The following FHOD3 variants were observed in gnomAD, a reference collection of about 807,000 sequenced individuals.
The protein encoded by FHOD3 is FH1/FH2 domain-containing protein 3.
FHOD3 carries 90 observed loss-of-function variants against 173.0 expected under a neutral mutation model. The observed-to-expected ratio is 0.52, with a 90% CI of 0.44 to 0.62. The LOEUF (loss-of-function observed/expected upper bound fraction) is 0.62. FHOD3 is among the 20% of genes least tolerant of loss of function. The probability of loss-of-function intolerance (pLI) is 0.00; values close to 1 mark genes in which losing one functional copy is unlikely to be tolerated. For missense variants in FHOD3, 1,945 were observed against 2,034.7 expected, an observed-to-expected ratio of 0.96 and a Z score of 0.85; for synonymous variants, 828 against 823.0, an observed-to-expected ratio of 1.01 and a Z score of -0.10.
At chr18:36,352,083 A>G (rs969984325) in intron 1 of FHOD3, among the ~76,000 whole-genome samples, 10 of 152,016 alleles carry the variant, frequency 6.6e-5, no homozygotes, top group Non-Finnish European at 1.3e-4. Context: ...ATTCTCAGGA[A>G]TTTCGTGAGC....
chr18:36,556,492 A>G (rs2057891073), intron 5 of FHOD3, among the ~76,000 whole-genome samples: 2 of 152,196 alleles, frequency 1.3e-5, no homozygotes, highest in Admixed American at 1.3e-4. Flanking sequence ...TCCCCCAAGG[A>G]TACTAGACAC....
chr18:36,422,600 C>A (rs777854586), intron 3 of FHOD3, among the ~76,000 whole-genome samples: 6 of 152,138 alleles, frequency 3.9e-5, no homozygotes, highest in African/African-American at 1.4e-4. Context: ...CCTTTCCCAC[C>A]AGCAATTTGC....
intron 1 of FHOD3, among the ~76,000 whole-genome samples, chr18:36,320,546 A>G (rs534711791): frequency 2.0e-5 from 3 of 152,368 alleles, no homozygotes; most frequent in South Asian, 4.1e-4. Flanking sequence ...GCCAAATTCT[A>G]CCAGAGTAAA....
intron 3 of FHOD3, among the ~76,000 whole-genome samples, chr18:36,461,963 C>T (rs2052581621): frequency 6.6e-6 from 1 of 152,272 alleles, no homozygotes; most frequent in East Asian, 1.9e-4. Context: ...TTAAGTTGGA[C>T]AGGAAGATCT....
intron 8 of FHOD3, among the ~76,000 whole-genome samples, chr18:36,605,693 C>T (rs142135622): frequency 6.6e-6 from 1 of 152,202 alleles, no homozygotes; most frequent in African/African-American, 2.4e-5. Context: ...ACAAGTCATG[C>T]CGGGTTTGTT....
chr18:36,423,207 T>C (rs1033268733), intron 3 of FHOD3, among the ~76,000 whole-genome samples: 2 of 152,204 alleles, frequency 1.3e-5, no homozygotes, highest in Non-Finnish European at 2.9e-5. Context: ...AAAACTTCGA[T>C]AAGAGCAATA....
intron 10 of FHOD3, among the ~76,000 whole-genome samples, chr18:36,640,987 C>T (rs1232694657): frequency 6.6e-6 from 1 of 152,170 alleles, no homozygotes; most frequent in African/African-American, 2.4e-5. Flanking sequence ...GTCTTGCCCT[C>T]TCCAGACCCC....
chr18:36,300,907 A>AT (rs973092038), intron 1 of FHOD3, among the ~76,000 whole-genome samples: 4 of 151,688 alleles, frequency 2.6e-5, no homozygotes, highest in African/African-American at 9.7e-5. Flanking sequence ...CACCTTGCTA[A>AT]TTTTTTTATT....
At chr18:36,504,300 T>A (rs2055184238) in intron 4 of FHOD3, among the ~76,000 whole-genome samples, 1 of 152,180 alleles carries the variant, frequency 6.6e-6, no homozygotes, top group African/African-American at 2.4e-5. Flanking sequence ...TTCTGGTATC[T>A]CTTCCTGCTA....
intron 1 of FHOD3, among the ~76,000 whole-genome samples, chr18:36,336,920 C>T (rs1197962200): frequency 1.3e-5 from 2 of 149,714 alleles, no homozygotes; most frequent in Non-Finnish European, 3.0e-5. Context: ...ACCTGTAATC[C>T]CAGCACTTTG....
chr18:36,659,601 T>C (rs1251820098), intron 14 of FHOD3, among the ~76,000 whole-genome samples: 1 of 152,182 alleles, frequency 6.6e-6, no homozygotes, highest in Non-Finnish European at 1.5e-5. Context: ...CAGGCTCTGT[T>C]CATTGGTGTG....
chr18:36,648,985 T>C (rs1201710112), intron 10 of FHOD3, among the ~76,000 whole-genome samples: 1 of 152,176 alleles, frequency 6.6e-6, no homozygotes, highest in East Asian at 1.9e-4. Flanking sequence ...AGAGGAGGTC[T>C]GCCCATGGCC....
intron 5 of FHOD3, among the ~76,000 whole-genome samples, chr18:36,539,384 G>A (rs984747339): frequency 1.3e-5 from 2 of 152,238 alleles, no homozygotes; most frequent in Admixed American, 1.3e-4. Flanking sequence ...AAGACATGGA[G>A]TTATTCTGGG....
intron 7 of FHOD3, among the ~76,000 whole-genome samples, 173 bp from the exon 8 acceptor site, chr18:36,602,501 C>T (rs996307105): frequency 5.9e-5 from 9 of 152,228 alleles, no homozygotes; most frequent in Admixed American, 5.9e-4. Flanking sequence ...TAAGAAATAT[C>T]CTCAATTAGA....
intron 7 of FHOD3, among the ~76,000 whole-genome samples, chr18:36,596,218 G>A (rs1416074786): frequency 1.3e-5 from 2 of 151,218 alleles, no homozygotes; most frequent in Admixed American, 6.6e-5. Context: ...GCAGTGGCGC[G>A]ATCTCGGCTC....
At chr18:36,446,591 G>C (rs1201323777) in intron 3 of FHOD3, among the ~76,000 whole-genome samples, 1 of 152,136 alleles carries the variant, frequency 6.6e-6, no homozygotes, top group Non-Finnish European at 1.5e-5. Context: ...AGTAAGTAGA[G>C]AGAATTGCGG....
At chr18:36,618,931 C>A (rs2033467382) in intron 9 of FHOD3, among the ~76,000 whole-genome samples, 1 of 152,138 alleles carries the variant, frequency 6.6e-6, no homozygotes, top group African/African-American at 2.4e-5. Context: ...GTTTCTGACC[C>A]CTCCCTTTCA....
At chr18:36,575,799 G>A (rs1368145850) in intron 5 of FHOD3, among the ~76,000 whole-genome samples, 1 of 152,142 alleles carries the variant, frequency 6.6e-6, no homozygotes, top group African/African-American at 2.4e-5. Context: ...AGTGTTTTCT[G>A]TTTGGAGAAT....
At chr18:36,714,303 G>A (rs1330883497) in intron 18 of FHOD3, among the ~76,000 whole-genome samples, 3 of 152,134 alleles carry the variant, frequency 2.0e-5, no homozygotes, top group South Asian at 2.1e-4. Flanking sequence ...TTGGGAGGCC[G>A]AGGCGGGCAG....
Sources: gnomAD v4.1 joint callset for allele counts (sites outside exome capture counted in the v4.1 genomes callset) on GRCh38, gnomAD v4.1.1 for gene constraint, MANE v1.5 for transcripts, NCBI Gene and HGNC (gene_info 2026-07-23, HGNC 2026-07-21) for gene names.